The following CAPRIN1 variants were observed in gnomAD, a reference collection of about 807,000 sequenced individuals.
CAPRIN1 encodes cell cycle associated protein 1.
A neutral mutation model predicts 100.9 loss-of-function variants in CAPRIN1; 29 were observed. That is an observed-to-expected ratio of 0.29 (90% confidence interval 0.21 to 0.39). The LOEUF is 0.39. Among genes scored for constraint, CAPRIN1 ranks in the 10% least tolerant of loss-of-function variants. The pLI, the probability that CAPRIN1 is intolerant of heterozygous loss-of-function variation, is 1.00. For synonymous variants in CAPRIN1, 338 were observed against 307.5 expected (o/e 1.10, Z -1.04); for missense variants, 795 against 876.7 (o/e 0.91, Z 1.18).
chr11:34,099,446 T>C lies in CAPRIN1; in HGVS notation c.*79T>C, dbSNP rs1851419802. ...TAATATGTTACCAGAAGAGTTATTA[T>C]CTATTTGTTCTCCCTTTCAGGAAAC... On this transcript the variant is annotated 3_prime_UTR_variant, in exon 19 of 19. Coordinates refer to ENST00000341394, the MANE Select transcript of CAPRIN1 (RefSeq NM_005898.5). 8.5e-7 allele frequency: 1 copy of C among 1,182,566 alleles called. No individual in the cohort carries two copies. The allele number at this position is 1,182,566 out of a possible 1,614,324, so 73.3% of individuals were successfully genotyped here.
chr11:34,100,890 T>G lies in CAPRIN1; in HGVS notation c.*1523T>G, dbSNP rs1057288346. On this transcript the variant is annotated 3_prime_UTR_variant, in exon 19 of 19. Transcript: ENST00000341394. ...ATTAATCCCACCTTTAAGCAAAGGCTACTAAGTTAATGGTATTTTCTGTGC... is the reference window on the plus strand; with the variant it reads ...ATTAATCCCACCTTTAAGCAAAGGCGACTAAGTTAATGGTATTTTCTGTGC... The G allele has an allele frequency of 1.3e-5, 2 of 152,662 alleles. No individual in the cohort carries two copies. Among genetic ancestry groups the G allele is most frequent in the Admixed American group, 6.5e-5 (1 of 15,278 alleles). 9.5% of individuals were successfully genotyped at this position (152,662 alleles called of 1,614,324 possible).
rs76757174 is a variant in CAPRIN1, at chr11:34,101,721, A to G, written c.*2354A>G. On this transcript the variant is annotated 3_prime_UTR_variant, in exon 19 of 19. Transcript: ENST00000341394. Reference sequence around the variant, plus strand: ...TCATTATGGGGCAGAGAACTTTTCAATAAGTCTCATTAAGATCTGAATCTT... The same window carrying G: ...TCATTATGGGGCAGAGAACTTTTCAGTAAGTCTCATTAAGATCTGAATCTT... 0.017 allele frequency among the ~76,000 whole-genome samples: 2,540 copies of G among 152,294 alleles called. 31 individuals carry two copies. Among genetic ancestry groups the G allele is most frequent in the Middle Eastern group, 0.027 (8 of 294 alleles).
At position 34,071,757 on chromosome 11, in the gene CAPRIN1, A is replaced by T. The variant is rs1384740041; in HGVS notation, c.248A>T (p.Asn83Ile). 6.2e-7 allele frequency: 1 copy of T among 1,612,152 alleles called. No homozygotes were observed. Among genetic ancestry groups the T allele is most frequent in the Non-Finnish European group, 8.5e-7 (1 of 1,178,424 alleles). The change falls in exon 3 of 19, where the codon AAC becomes ATC. Residue 83 changes from asparagine (N) to isoleucine (I), a missense_variant. By Grantham distance (149) the Asn-to-Ile change is moderately radical. Coordinates refer to ENST00000341394, the MANE Select transcript of CAPRIN1 (RefSeq NM_005898.5). ...CTTGATGATTACCAGGAACGAATGA[A>T]CAAAGGGGAAAGGCTTAATCAAGAT... ...GKLDDYQERMNKGERLNQDQL... is the reference protein window; with the variant it reads ...GKLDDYQERMIKGERLNQDQL...
chr11:34,074,549 C>T (rs1590731971), intron 4 of CAPRIN1, among the ~76,000 whole-genome samples: 1 of 152,146 alleles, frequency 6.6e-6, no homozygotes, highest in Non-Finnish European at 1.5e-5. Context: ...TTTCATATTC[C>T]TGTCCCTCTT....
intron 2 of CAPRIN1, among the ~76,000 whole-genome samples, chr11:34,069,525 G>T (rs1850769273): frequency 1.3e-5 from 2 of 152,004 alleles, no homozygotes; most frequent in South Asian, 4.1e-4. Flanking sequence ...AGCTTCCCAA[G>T]CTTATGAGTC....
At chr11:34,064,607 T>G (rs921719695) in intron 2 of CAPRIN1, among the ~76,000 whole-genome samples, 1 of 152,228 alleles carries the variant, frequency 6.6e-6, no homozygotes, top group African/African-American at 2.4e-5. Flanking sequence ...AGTAAAAAAT[T>G]AGACCAATTG....
chr11:34,080,704 T>A (rs1851011631), intron 7 of CAPRIN1, among the ~76,000 whole-genome samples: 1 of 152,238 alleles, frequency 6.6e-6, no homozygotes, highest in Admixed American at 6.5e-5. Context: ...GTGCCTGAAT[T>A]TAAATCTTCG....
chr11:34,075,312 A>G (rs550787965), intron 4 of CAPRIN1, among the ~76,000 whole-genome samples: 81 of 152,174 alleles, frequency 5.3e-4, no homozygotes, highest in Non-Finnish European at 7.1e-4. Context: ...GTGAGGCTTG[A>G]GAAGGGGGAA....
chr11:34,072,688 G>A (rs1850825861), intron 4 of CAPRIN1, among the ~76,000 whole-genome samples: 1 of 152,164 alleles, frequency 6.6e-6, no homozygotes, highest in Non-Finnish European at 1.5e-5. Context: ...AAAGTTAAAT[G>A]CAAGCAAAGT....
At chr11:34,095,457 C>T (rs114042292) in intron 15 of CAPRIN1, among the ~76,000 whole-genome samples, 1 of 152,164 alleles carries the variant, frequency 6.6e-6, no homozygotes, top group African/African-American at 2.4e-5. Context: ...CTCTTTTTCT[C>T]TAGGTATTCC....
Position 34,087,584 on chromosome 11 carries a change from C to T in CAPRIN1, c.1231+1171C>T, listed in dbSNP as rs564541511. On this transcript the variant is annotated intron_variant, in intron 11 of 18. Transcript: ENST00000341394. ...TCCTGACCTCGTGATCCGCCCGCCTCGGCCTCCCAAAGTGCTGGGATTACA... is the reference window on the plus strand; with the variant it reads ...TCCTGACCTCGTGATCCGCCCGCCTTGGCCTCCCAAAGTGCTGGGATTACA... Among the ~76,000 whole-genome samples, 241 of 122,824 alleles carry T rather than the reference C, an allele frequency of 2.0e-3. 27 individuals carry two copies. Among genetic ancestry groups the T allele is most frequent in the African/African-American group, 7.6e-3 (227 of 29,956 alleles). 80.6% of individuals were successfully genotyped at this position (122,824 alleles called of 152,430 possible). A position where few individuals can be genotyped will look rare whatever the true frequency, so the allele number is the denominator to read the frequency against.
intron 13 of CAPRIN1, 32 bp downstream of exon 13, chr11:34,090,321 A>T: frequency 7.0e-7 from 1 of 1,421,870 alleles, no homozygotes. Flanking sequence ...CATACATTTG[A>T]TGAGGCACTT....
At position 34,090,629 on chromosome 11, in the gene CAPRIN1, A is replaced by C; in HGVS notation, c.1505A>C (p.His502Pro). Residue 502 changes from histidine (H) to proline (P), a missense_variant, in exon 14 of 19, where the codon CAT becomes CCT. This residue lies in a region of CAPRIN1 where 648 missense variants were observed against 697.9 expected (regional missense o/e 0.93). Transcript: ENST00000341394. Reference protein sequence around the residue: ...VFQAGTSKPLHSSGINVNAAP... With the variant: ...VFQAGTSKPLPSSGINVNAAP... ...CAGGCTGGGACAAGCAAACCTTTAC[A>C]TAGCAGTGGAATCAATGTAAATGCA... 1 of 1,614,158 alleles carries C rather than the reference A, an allele frequency of 6.2e-7. No individual in the cohort carries two copies.
At chr11:34,085,007 T>A (rs1458759119) in intron 9 of CAPRIN1, among the ~76,000 whole-genome samples, 2 of 152,180 alleles carry the variant, frequency 1.3e-5, no homozygotes, top group South Asian at 2.1e-4. Context: ...TTTTGGAGCA[T>A]CCTGAAGTTG....
intron 2 of CAPRIN1, among the ~76,000 whole-genome samples, chr11:34,065,074 C>G (rs1850662621): frequency 6.7e-6 from 1 of 150,246 alleles, no homozygotes. Flanking sequence ...TTTCTCCTGC[C>G]TCAGCCTCCT....
intron 15 of CAPRIN1, among the ~76,000 whole-genome samples, chr11:34,095,402 C>T (rs2957488): frequency 1 from 152,006 of 152,394 alleles, 75,811 homozygotes; most frequent in East Asian, 1. Context: ...AAGATGACAC[C>T]GATGTAGTTG....
chr11:34,098,589 C>G, intron 18 of CAPRIN1: 2 of 984,894 alleles, frequency 2.0e-6, no homozygotes, highest in Non-Finnish European at 2.4e-6. Flanking sequence ...GATTTGAATA[C>G]TAGTAGAAAC....
chr11:34,076,855 C>T (rs1850918392), intron 6 of CAPRIN1, among the ~76,000 whole-genome samples: 1 of 151,940 alleles, frequency 6.6e-6, no homozygotes, highest in South Asian at 2.1e-4. Flanking sequence ...TCACCTCATC[C>T]TCCCAAGTAG....
rs1334371907 is a variant in CAPRIN1 at position 34,099,567 on chromosome 11, A to G, written c.*200A>G. 5.0e-6 allele frequency: 3 copies of G among 600,338 alleles called. No homozygotes were observed. The highest frequency in any genetic ancestry group is 2.8e-5 in the Admixed American group (1 of 36,080). The allele number at this position is 600,338 out of a possible 1,614,324, so 37.2% of individuals were successfully genotyped here. A position where few individuals can be genotyped will look rare whatever the true frequency, so the allele number is the denominator to read the frequency against. The stretch of plus-strand genomic sequence containing the variant: ...TGGAAGGAAACTATTTTTACTCTGC[A>G]TGTTCTGTCCTAAGCGTCATCTTGA... On this transcript the variant is annotated 3_prime_UTR_variant, in exon 19 of 19. Coordinates refer to ENST00000341394, the MANE Select transcript of CAPRIN1 (RefSeq NM_005898.5).
Sources: gnomAD v4.1 joint callset for allele counts (sites outside exome capture counted in the v4.1 genomes callset) on GRCh38, gnomAD v4.1.1 for gene constraint, gnomAD v4.1.1 regional missense constraint, MANE v1.5 for transcripts, NCBI Gene and HGNC (gene_info 2026-07-23, HGNC 2026-07-21) for gene names.